DACH2: variants seen among roughly 807,000 people sequenced by gnomAD.
DACH2 encodes dachshund family transcription factor 2.
DACH2 carries 17 observed loss-of-function variants against 35.8 expected under a neutral mutation model. The observed-to-expected ratio is 0.48, with a 90% CI of 0.33 to 0.71. The LOEUF is 0.71. DACH2 is among the 30% of genes least tolerant of loss of function. The pLI, the probability that DACH2 is intolerant of heterozygous loss-of-function variation, is 0.02. For missense variants in DACH2, 469 were observed against 472.7 expected (o/e 0.99, Z 0.07); for synonymous variants, 195 against 177.3 (o/e 1.10, Z -0.79).
At chrX:86,488,878 T>A in intron 2 of DACH2, among the ~76,000 whole-genome samples, 1 of 111,383 alleles carries the variant, frequency 9.0e-6, no homozygotes, top group Middle Eastern at 4.7e-3. Context: ...TTCAGAAAAA[T>A]GCTTGGTACA....
intron 3 of DACH2, among the ~76,000 whole-genome samples, chrX:86,610,385 C>CTT (rs1407300441): frequency 3.1e-5 from 2 of 64,030 alleles, no homozygotes. Context: ...TTCTTTCTTT[C>CTT]TTTCTTTCTT....
intron 1 of DACH2, among the ~76,000 whole-genome samples, chrX:86,306,849 G>C (rs2034698457): frequency 9.0e-6 from 1 of 111,460 alleles, no homozygotes; most frequent in Non-Finnish European, 1.9e-5. Context: ...GGTACCAGAA[G>C]TGGGGTGATT....
chrX:86,533,477 T>C (rs1336407408), intron 3 of DACH2, among the ~76,000 whole-genome samples: 1 of 111,703 alleles, frequency 9.0e-6, no homozygotes, highest in Non-Finnish European at 1.9e-5. Flanking sequence ...TAAACTTCTC[T>C]CTGTTCTTCA....
rs1569292909 is a variant in DACH2, at chrX:86,180,175, C to CATATATATATATATAT, written c.488+31067_488+31068insATATATATATATATAT. 6.0e-3 allele frequency among the ~76,000 whole-genome samples: 94 copies of CATATATATATATATAT among 15,570 alleles called. 3 individuals carry two copies. Among genetic ancestry groups the CATATATATATATATAT allele is most frequent in the African/African-American group, 0.017 (71 of 4,147 alleles). 13.5% of individuals were successfully genotyped at this position (15,570 alleles called of 115,157 possible). ...ATGTCCCCTAGCAACCATGCTAAACCGTATATATATATATATATATATATA... is the reference window on the plus strand; with the variant it reads ...ATGTCCCCTAGCAACCATGCTAAACCATATATATATATATATGTATATATATATATATATATATATA... On this transcript the variant is annotated intron_variant, in intron 1 of 11. Transcript: ENST00000373125.
At chrX:86,524,758 T>C (rs1457979688) in intron 3 of DACH2, among the ~76,000 whole-genome samples, 1 of 111,337 alleles carries the variant, frequency 9.0e-6, no homozygotes, top group Admixed American at 9.6e-5. Context: ...TTGTCCTGCA[T>C]GGCTGGGTCA....
intron 4 of DACH2, among the ~76,000 whole-genome samples, chrX:86,683,383 A>G (rs1453846331): frequency 2.7e-5 from 3 of 111,816 alleles, no homozygotes; most frequent in Non-Finnish European, 5.6e-5. Context: ...AGAGGAGAAC[A>G]GGCTATATAT....
intron 6 of DACH2, among the ~76,000 whole-genome samples, 154 bp from the exon 7 acceptor site, chrX:86,739,593 A>AT (rs2041632135): frequency 1.8e-5 from 2 of 112,348 alleles, no homozygotes; most frequent in Admixed American, 1.9e-4. Flanking sequence ...TCAAAAATAT[A>AT]TTTTTGTTTA....
chrX:86,339,542 A>C lies in DACH2; in HGVS notation c.489-37282A>C, dbSNP rs770471700. Among the ~76,000 whole-genome samples, 133 of 111,946 alleles carry C rather than the reference A, an allele frequency of 1.2e-3. 3 individuals are homozygous for C. Among genetic ancestry groups the C allele is most frequent in the African/African-American group, 2.9e-3 (90 of 30,911 alleles). ...ATAAAGACAACATCCATATGAAATA[A>C]GTACTATTATTATTCCTGTCTTACA... On this transcript the variant is annotated intron_variant, in intron 1 of 11. Coordinates refer to ENST00000373125, the MANE Select transcript of DACH2 (RefSeq NM_053281.3).
chrX:86,161,326 C>T (rs144982623), intron 1 of DACH2: 3 of 1,147,250 alleles, frequency 2.6e-6, no homozygotes, highest in African/African-American at 3.6e-5. Flanking sequence ...ACAGCACAGT[C>T]AACCTGAGAT....
chrX:86,789,380 G>A (rs1490911774), intron 7 of DACH2, among the ~76,000 whole-genome samples: 2 of 111,725 alleles, frequency 1.8e-5, no homozygotes, highest in Non-Finnish European at 3.8e-5. Flanking sequence ...TAGTTTGCAT[G>A]GCTAACACAA....
At chrX:86,493,716 G>A (rs1381318253) in intron 2 of DACH2, among the ~76,000 whole-genome samples, 1 of 111,918 alleles carries the variant, frequency 8.9e-6, no homozygotes, top group South Asian at 3.7e-4. Flanking sequence ...TGGTATATGT[G>A]AGCTGGTATA....
chrX:86,399,573 T>C (rs2036378457), intron 2 of DACH2, among the ~76,000 whole-genome samples: 1 of 111,743 alleles, frequency 8.9e-6, no homozygotes, highest in South Asian at 3.7e-4. Context: ...TTAGGGCAGG[T>C]CTGGTGTGAC....
intron 3 of DACH2, among the ~76,000 whole-genome samples, chrX:86,640,406 A>T: frequency 9.0e-6 from 1 of 110,602 alleles, no homozygotes; most frequent in Non-Finnish European, 1.9e-5. Flanking sequence ...GCCCCACACA[A>T]CTCTCACGGT....
intron 3 of DACH2, among the ~76,000 whole-genome samples, chrX:86,612,277 A>C (rs57361435): frequency 0.055 from 5,870 of 106,866 alleles, 381 homozygotes; most frequent in African/African-American, 0.19. Flanking sequence ...CTCTTCAAGC[A>C]GAAGGATGGT....
intron 1 of DACH2, among the ~76,000 whole-genome samples, chrX:86,212,681 A>G (rs1435506268): frequency 9.0e-6 from 1 of 111,411 alleles, no homozygotes; most frequent in Non-Finnish European, 1.9e-5. Context: ...AATTACCACT[A>G]TAAACTACAT....
intron 3 of DACH2, among the ~76,000 whole-genome samples, chrX:86,518,833 A>G (rs147502807): frequency 1.9e-3 from 211 of 112,061 alleles, no homozygotes; most frequent in African/African-American, 6.6e-3. Flanking sequence ...AAATCATGTC[A>G]CCTGCAAATG....
intron 1 of DACH2, among the ~76,000 whole-genome samples, chrX:86,323,963 G>A (rs147384899): frequency 0.011 from 1,241 of 111,775 alleles, 7 homozygotes; most frequent in Non-Finnish European, 0.018. Context: ...GGAAATGAAA[G>A]TAAAGAGTCT....
At chrX:86,265,834 T>C (rs2033701915) in intron 1 of DACH2, among the ~76,000 whole-genome samples, 1 of 111,772 alleles carries the variant, frequency 8.9e-6, no homozygotes, top group Non-Finnish European at 1.9e-5. Flanking sequence ...GAGCTATCTA[T>C]AAAATACACA....
At position 86,446,490 on chromosome X, in the gene DACH2, T is replaced by C. The variant is rs1449298036; in HGVS notation, c.528-67789T>C. Among the ~76,000 whole-genome samples, 9 of 55,210 alleles carry C rather than the reference T, an allele frequency of 1.6e-4. No homozygotes were observed. The East Asian group carries it at 5.7e-3, about 35-fold the overall frequency. 47.9% of individuals were successfully genotyped at this position (55,210 alleles called of 115,157 possible). A position where few individuals can be genotyped will look rare whatever the true frequency, so the allele number is the denominator to read the frequency against. On this transcript the variant is annotated intron_variant, in intron 2 of 11. Transcript: ENST00000373125. ...CCCCAGAGTGTGATATTCCCCTTCC[T>C]GTGTCCATGTGATCTCATTGTTCAA...
Sources: gnomAD v4.1 joint callset for allele counts (sites outside exome capture counted in the v4.1 genomes callset) on GRCh38, gnomAD v4.1.1 for gene constraint, MANE v1.5 for transcripts, NCBI Gene and HGNC (gene_info 2026-07-23, HGNC 2026-07-21) for gene names.